The following TAFA5 variants were observed in gnomAD, a reference collection of about 807,000 sequenced individuals.
TAFA5 encodes chemokine-like protein TAFA-5.
Under a neutral mutation model 15.3 loss-of-function variants are expected in TAFA5, and 6 were observed. The observed-to-expected ratio is 0.39, with a 90% CI of 0.21 to 0.77. The LOEUF (loss-of-function observed/expected upper bound fraction) is 0.77. TAFA5 is among the 30% of genes least tolerant of loss of function. The probability of loss-of-function intolerance (pLI) is 0.41; values close to 1 mark genes in which losing one functional copy is unlikely to be tolerated. For missense variants in TAFA5, 161 were observed against 193.1 expected, an observed-to-expected ratio of 0.83 and a Z score of 0.98; for synonymous variants, 103 against 80.7, an observed-to-expected ratio of 1.28 and a Z score of -1.48.
At chr22:48,716,526 G>C (rs1045894146) in intron 3 of TAFA5, among the ~76,000 whole-genome samples, 8 of 152,194 alleles carry the variant, frequency 5.3e-5, no homozygotes, top group African/African-American at 1.9e-4. Context: ...TGGGAGGTGG[G>C]GGGCCAGGGG....
At chr22:48,675,343 A>G (rs928080545) in intron 2 of TAFA5, among the ~76,000 whole-genome samples, 20 of 152,242 alleles carry the variant, frequency 1.3e-4, no homozygotes, top group African/African-American at 4.8e-4. Flanking sequence ...CCCCCGTCCA[A>G]AACTCTGGGC....
At chr22:48,506,359 G>A (rs1875340657) in intron 1 of TAFA5, among the ~76,000 whole-genome samples, 1 of 152,230 alleles carries the variant, frequency 6.6e-6, no homozygotes, top group South Asian at 2.1e-4. Context: ...GGGGGAACAT[G>A]GGCACCTCCA....
intron 2 of TAFA5, among the ~76,000 whole-genome samples, chr22:48,661,462 G>GC (rs1169111563): frequency 6.6e-5 from 10 of 152,222 alleles, no homozygotes; most frequent in African/African-American, 2.4e-4. Context: ...ATGAGCCGGT[G>GC]CCCCGAGGGT....
intron 1 of TAFA5, among the ~76,000 whole-genome samples, chr22:48,570,612 G>A (rs763285832): frequency 2.5e-4 from 38 of 152,168 alleles, no homozygotes; most frequent in Non-Finnish European, 4.3e-4. Flanking sequence ...TCAGGACCTC[G>A]TCACTTTCCA....
chr22:48,614,022 C>T (rs571186989), intron 1 of TAFA5, among the ~76,000 whole-genome samples: 3 of 152,340 alleles, frequency 2.0e-5, no homozygotes, highest in South Asian at 2.1e-4. Context: ...ATGTGGGAGC[C>T]GTCAGACGCC....
chr22:48,645,139 G>C (rs553908380), intron 1 of TAFA5, among the ~76,000 whole-genome samples: 1 of 152,348 alleles, frequency 6.6e-6, no homozygotes, highest in East Asian at 1.9e-4. Context: ...GGTGGTTCCA[G>C]GGAGCAGGTG....
At chr22:48,534,027 A>G (rs1451563881) in intron 1 of TAFA5, among the ~76,000 whole-genome samples, 5 of 152,180 alleles carry the variant, frequency 3.3e-5, no homozygotes, top group African/African-American at 1.2e-4. Context: ...GACATGGAGA[A>G]GGAACTCTCC....
chr22:48,573,993 G>T (rs930966366), intron 1 of TAFA5, among the ~76,000 whole-genome samples: 6 of 152,328 alleles, frequency 3.9e-5, no homozygotes, highest in African/African-American at 1.4e-4. Context: ...GCCAGGTGAG[G>T]GATGAAGGCC....
At chr22:48,680,957 G>A (rs1438671818) in intron 2 of TAFA5, among the ~76,000 whole-genome samples, 2 of 152,228 alleles carry the variant, frequency 1.3e-5, no homozygotes, top group Admixed American at 1.3e-4. Context: ...CTCCCACCAC[G>A]GCTTCTGGAA....
At chr22:48,502,649 G>A (rs1437163289) in intron 1 of TAFA5, among the ~76,000 whole-genome samples, 2 of 151,470 alleles carry the variant, frequency 1.3e-5, no homozygotes, top group African/African-American at 2.4e-5. Context: ...AGCCTCCCGA[G>A]TAGCTGAGAC....
chr22:48,584,019 A>G (rs1253778977), intron 1 of TAFA5, among the ~76,000 whole-genome samples: 4 of 147,816 alleles, frequency 2.7e-5, no homozygotes, highest in Non-Finnish European at 6.0e-5. Context: ...ACCACACACC[A>G]CACGCCACAC....
At chr22:48,553,335 G>A (rs1158537463) in intron 1 of TAFA5, among the ~76,000 whole-genome samples, 1 of 152,198 alleles carries the variant, frequency 6.6e-6, no homozygotes, top group African/African-American at 2.4e-5. Context: ...ACAGACACGG[G>A]TCGGTCTCAG....
intron 2 of TAFA5, among the ~76,000 whole-genome samples, chr22:48,649,831 C>G (rs1398949594): frequency 6.6e-6 from 1 of 152,174 alleles, no homozygotes; most frequent in Non-Finnish European, 1.5e-5. Flanking sequence ...CCTTTCTTCT[C>G]ATTACTTCCG....
Position 48,689,670 on chromosome 22 carries a change from G to T in TAFA5, c.263-18047G>T, listed in dbSNP as rs537032774. Among the ~76,000 whole-genome samples the T allele has an allele frequency of 1.3e-4, 14 of 106,804 alleles. 1 individual carries two copies. The highest frequency in any genetic ancestry group is 7.3e-4 in the Admixed American group (8 of 10,994). 70.1% of individuals were successfully genotyped at this position (106,804 alleles called of 152,430 possible). ...GTGTAGCCCCTCGGGCGGACAGACT[G>T]GCCTGTCCCCCACCCACTCACCCCA... On this transcript the variant is annotated intron_variant, in intron 2 of 3. Transcript: ENST00000402357.
At chr22:48,527,139 C>G (rs939388533) in intron 1 of TAFA5, among the ~76,000 whole-genome samples, 1 of 152,256 alleles carries the variant, frequency 6.6e-6, no homozygotes, top group Non-Finnish European at 1.5e-5. Context: ...TCCCCTGGGC[C>G]AATTGACCAG....
intron 1 of TAFA5, among the ~76,000 whole-genome samples, chr22:48,590,229 G>A (rs1234985690): frequency 1.4e-4 from 21 of 152,192 alleles, no homozygotes; most frequent in East Asian, 1.9e-4. Flanking sequence ...TGGTTTTCCC[G>A]AGGAGATCGG....
intron 2 of TAFA5, among the ~76,000 whole-genome samples, chr22:48,701,510 C>T (rs1320538306): frequency 6.6e-6 from 1 of 152,170 alleles, no homozygotes; most frequent in Non-Finnish European, 1.5e-5. Flanking sequence ...ACTTTCCTCC[C>T]AGGCCTTTGT....
chr22:48,693,539 G>A (rs1252444674), intron 2 of TAFA5, among the ~76,000 whole-genome samples: 4 of 152,196 alleles, frequency 2.6e-5, no homozygotes, highest in South Asian at 2.1e-4. Flanking sequence ...CAGGAGGGGC[G>A]GCTGGGCCTG....
At chr22:48,515,056 G>A (rs1047317003) in intron 1 of TAFA5, among the ~76,000 whole-genome samples, 11 of 152,330 alleles carry the variant, frequency 7.2e-5, no homozygotes, top group Admixed American at 4.6e-4. Context: ...CAGGTGCAGA[G>A]CTGGCGAATG....
Sources: gnomAD v4.1 joint callset for allele counts (sites outside exome capture counted in the v4.1 genomes callset) on GRCh38, gnomAD v4.1.1 for gene constraint, MANE v1.5 for transcripts, NCBI Gene and HGNC (gene_info 2026-07-23, HGNC 2026-07-21) for gene names.